Variants in C8orf34 observed in about 807,000 individuals in gnomAD.
The protein encoded by C8orf34 is chromosome 8 open reading frame 34, also known as uncharacterized protein C8orf34.
C8orf34 carries 65 observed loss-of-function variants against 68.3 expected under a neutral mutation model. That is an observed-to-expected ratio of 0.95 (90% CI 0.78 to 1.17). The LOEUF is 1.17. Among genes scored for constraint, C8orf34 ranks in the 50% most tolerant of loss-of-function variants. The pLI is 0.00. For missense variants in C8orf34, 664 were observed against 655.4 expected (o/e 1.01, Z -0.14); for synonymous variants, 244 against 241.2 (o/e 1.01, Z -0.11).
intron 7 of C8orf34, among the ~76,000 whole-genome samples, chr8:68,559,052 T>A (rs1816341142): frequency 6.6e-6 from 1 of 152,148 alleles, no homozygotes. Flanking sequence ...GATGATTTAG[T>A]GGGATGCAGG....
Position 68,783,481 on chromosome 8 carries a change from GCAA to G in C8orf34, c.1456-3961_1456-3959del, listed in dbSNP as rs1237525377. ...TGCAGTGAGCCAAGATGGTGCCATTGCAATTGCACTCCGGCCTGGGCAACAGGG... is the reference window on the plus strand; with the variant it reads ...TGCAGTGAGCCAAGATGGTGCCATTGTTGCACTCCGGCCTGGGCAACAGGG... On this transcript the variant is annotated intron_variant, in intron 11 of 13. Transcript: ENST00000518698. Among the ~76,000 whole-genome samples, 34 of 44,868 alleles carry G rather than the reference GCAA, an allele frequency of 7.6e-4. No homozygotes were observed. The African/African-American group carries it at 0.014, about 19-fold the overall frequency. 29.4% of individuals were successfully genotyped at this position (44,868 alleles called of 152,430 possible).
At chr8:68,490,284 C>A (rs1028862755) in intron 5 of C8orf34, among the ~76,000 whole-genome samples, 2 of 152,118 alleles carry the variant, frequency 1.3e-5, no homozygotes, top group African/African-American at 4.8e-5. Context: ...TAAATTAGCT[C>A]GTATGCGGTT....
At chr8:68,393,317 A>T (rs569302531) in intron 1 of C8orf34, among the ~76,000 whole-genome samples, 3 of 152,180 alleles carry the variant, frequency 2.0e-5, no homozygotes, top group Non-Finnish European at 4.4e-5. Flanking sequence ...TCTTCTTGGC[A>T]GAGTTGTTCA....
intron 1 of C8orf34, among the ~76,000 whole-genome samples, chr8:68,412,690 T>C (rs1370348560): frequency 6.6e-6 from 1 of 152,214 alleles, no homozygotes; most frequent in Non-Finnish European, 1.5e-5. Context: ...CCTTATTTCC[T>C]GTCTCAGCCA....
intron 8 of C8orf34, among the ~76,000 whole-genome samples, chr8:68,654,027 G>A (rs1819440963): frequency 6.6e-6 from 1 of 151,934 alleles, no homozygotes; most frequent in South Asian, 2.1e-4. Context: ...TTTTGTTTGG[G>A]TTAAAACAAT....
chr8:68,535,449 T>C (rs1389973494), intron 7 of C8orf34: 1 of 975,074 alleles, frequency 1.0e-6, no homozygotes, highest in African/African-American at 1.8e-5. Flanking sequence ...AAGTGAAAGG[T>C]ATAATTGTTA....
intron 8 of C8orf34, among the ~76,000 whole-genome samples, chr8:68,678,961 G>A (rs1820280314): frequency 6.6e-6 from 1 of 151,702 alleles, no homozygotes. Context: ...ATGGGCCTGT[G>A]GTGAACAATC....
chr8:68,516,661 G>A (rs915552512), intron 5 of C8orf34, among the ~76,000 whole-genome samples: 1 of 120,830 alleles, frequency 8.3e-6, no homozygotes, highest in Non-Finnish European at 1.6e-5. Flanking sequence ...TTATTTATTT[G>A]AGATGGAGTC....
intron 8 of C8orf34, among the ~76,000 whole-genome samples, chr8:68,643,216 T>C (rs1381275933): frequency 6.6e-6 from 1 of 152,240 alleles, no homozygotes; most frequent in African/African-American, 2.4e-5. Context: ...TACGTTGATG[T>C]GATTATCAAA....
intron 12 of C8orf34, 144 bp from the exon 13 acceptor site, chr8:68,815,742 G>A: frequency 1.5e-6 from 2 of 1,351,448 alleles, no homozygotes; most frequent in Non-Finnish European, 2.0e-6. Context: ...ATACAGAATG[G>A]CAGCACAGTA....
chr8:68,427,213 AT>A (rs1563429760), intron 1 of C8orf34, among the ~76,000 whole-genome samples: 1 of 152,206 alleles, frequency 6.6e-6, no homozygotes, highest in Non-Finnish European at 1.5e-5. Context: ...ATGAAACCTC[AT>A]GTGTACAAAA....
chr8:68,558,639 G>A (rs1024664432), intron 7 of C8orf34, among the ~76,000 whole-genome samples: 4 of 152,046 alleles, frequency 2.6e-5, no homozygotes, highest in African/African-American at 7.2e-5. Context: ...GAGATCACAA[G>A]CACAGGAAGA....
intron 7 of C8orf34, among the ~76,000 whole-genome samples, chr8:68,586,223 C>T (rs539855690): frequency 1.3e-5 from 2 of 152,236 alleles, no homozygotes; most frequent in East Asian, 3.9e-4. Context: ...GTATTAACAA[C>T]TTATCTACAT....
chr8:68,479,029 C>T (rs1306442427), intron 4 of C8orf34, among the ~76,000 whole-genome samples: 10 of 152,062 alleles, frequency 6.6e-5, no homozygotes. Context: ...TTTTTTAATG[C>T]TAAACATGTC....
chr8:68,592,235 C>A (rs1205632094), intron 7 of C8orf34, among the ~76,000 whole-genome samples: 1 of 71,952 alleles, frequency 1.4e-5, no homozygotes, highest in African/African-American at 5.6e-5. Context: ...ATTTTTTATT[C>A]CTTATGGCAT....
At chr8:68,788,336 A>G (rs997420089) in intron 12 of C8orf34, among the ~76,000 whole-genome samples, 3 of 152,202 alleles carry the variant, frequency 2.0e-5, no homozygotes, top group Non-Finnish European at 4.4e-5. Flanking sequence ...AATCCAGGAA[A>G]TTACACTTCC....
chr8:68,460,635 GA>G (rs1324201280), intron 3 of C8orf34, among the ~76,000 whole-genome samples: 1 of 152,196 alleles, frequency 6.6e-6, no homozygotes, highest in Non-Finnish European at 1.5e-5. Flanking sequence ...TGCAGTTCAT[GA>G]AAATCCGCTG....
At chr8:68,551,333 GT>G (rs546280433) in intron 7 of C8orf34, among the ~76,000 whole-genome samples, 223 of 151,696 alleles carry the variant, frequency 1.5e-3, no homozygotes, top group African/African-American at 5.0e-3. Flanking sequence ...TTCTTACCAT[GT>G]TTTTTATCTG....
chr8:68,761,179 G>C lies in C8orf34; in HGVS notation c.1405-15220G>C, dbSNP rs375711217. Among the ~76,000 whole-genome samples, 282 of 152,262 alleles carry C rather than the reference G, an allele frequency of 1.9e-3. 1 individual carries two copies. Among genetic ancestry groups the C allele is most frequent in the Middle Eastern group, 6.8e-3 (2 of 294 alleles). ...CAAGGTTATAATTATGAGAAACAAG[G>C]GACAATCTAATTCTATCCCCTCACT... is the stretch of plus-strand genomic sequence containing the variant. On this transcript the variant is annotated intron_variant, in intron 10 of 13. Coordinates refer to ENST00000518698, the MANE Select transcript of C8orf34 (RefSeq NM_052958.4).
Sources: gnomAD v4.1 joint callset for allele counts (sites outside exome capture counted in the v4.1 genomes callset) on GRCh38, gnomAD v4.1.1 for gene constraint, MANE v1.5 for transcripts, NCBI Gene and HGNC (gene_info 2026-07-23, HGNC 2026-07-21) for gene names.